Variants in ATP13A5 observed in about 807,000 individuals in gnomAD.
ATP13A5 encodes ATPase 13A5, also known as probable cation-transporting ATPase 13A5.
Under a neutral mutation model 150.2 loss-of-function variants are expected in ATP13A5, and 149 were observed. The ratio of observed to expected loss-of-function variants is 0.99; its 90% CI spans 0.87 to 1.14. ATP13A5 has a LOEUF of 1.14. ATP13A5 is among the 50% of genes most tolerant of loss of function. The pLI is 0.00. For synonymous variants in ATP13A5, 497 were observed against 522.2 expected, an observed-to-expected ratio of 0.95 and a Z score of 0.66; for missense variants, 1,383 against 1,449.3, an observed-to-expected ratio of 0.95 and a Z score of 0.74.
intron 26 of ATP13A5, among the ~76,000 whole-genome samples, chr3:193,286,633 C>T (rs1298451704): frequency 6.6e-6 from 1 of 152,160 alleles, no homozygotes; most frequent in East Asian, 1.9e-4. Flanking sequence ...TGTCTGACTG[C>T]TTCACTGACT....
At chr3:193,351,346 G>C (rs1011391293) in intron 6 of ATP13A5, 145 bp from the exon 7 acceptor site, 25 of 1,020,196 alleles carry the variant, frequency 2.5e-5, no homozygotes, top group Non-Finnish European at 3.4e-5. Context: ...GATCTCTATT[G>C]ATTTGGGTTG....
chr3:193,331,563 T>C (rs1711631230), intron 11 of ATP13A5, among the ~76,000 whole-genome samples: 1 of 152,216 alleles, frequency 6.6e-6, no homozygotes, highest in African/African-American at 2.4e-5. Context: ...GTAGCAGCTA[T>C]GGCTTATTCA....
chr3:193,314,144 G>C lies in ATP13A5; in HGVS notation c.2208C>G (p.Ile736Met). 1 of 1,613,894 alleles carries C rather than the reference G, an allele frequency of 6.2e-7. No individual in the cohort carries two copies. Among genetic ancestry groups the C allele is most frequent in the South Asian group, 1.1e-5 (1 of 91,064 alleles). ...AITVAKNSEM[I>M]PPGSQVIIVE... ...CAATGATCACTTGGCTGCCTGGAGG[G>C]ATCATTTCAGAATTCTTTGCAACAG... The change falls in exon 19 of 30, where the codon ATC becomes ATG. Residue 736 changes from isoleucine (I) to methionine (M), a missense_variant. Physicochemically the swap from Ile to Met is conservative, Grantham distance 10. This residue lies in a region of ATP13A5 where 568 missense variants were observed against 621.5 expected (regional missense o/e 0.91). Coordinates refer to ENST00000342358, the MANE Select transcript of ATP13A5 (RefSeq NM_198505.4).
At position 193,363,285 on chromosome 3, in the gene ATP13A5, G is replaced by A; in HGVS notation, c.335C>T (p.Ala112Val). Residue 112 changes from alanine (A) to valine (V), a missense_variant, in exon 3 of 30, where the codon GCT (alanine) becomes GTT (valine). Physicochemically the swap from Ala to Val is moderately conservative, Grantham distance 64 (BLOSUM62 0). Transcript: ENST00000342358. ...TTGGTTTATGACAGAGTGGCGGTCA[G>A]CCACCAGGGATTCTTCCCACTTCTT... ...VSKKWEESLV[A>V]DRHSVINQAL... The A allele has an allele frequency of 6.2e-7, 1 of 1,613,918 alleles. No individual in the cohort carries two copies. Among genetic ancestry groups the A allele is most frequent in the Non-Finnish European group, 8.5e-7 (1 of 1,179,838 alleles).
At chr3:193,322,417 A>G (rs1367749574) in intron 15 of ATP13A5, 74 bp downstream of exon 15, 1 of 1,183,868 alleles carries the variant, frequency 8.4e-7, no homozygotes, top group African/African-American at 1.5e-5. Context: ...GGACTATAAA[A>G]ATATGTGCAA....
At chr3:193,355,094 G>A (rs553915192) in intron 5 of ATP13A5, among the ~76,000 whole-genome samples, 14 of 152,074 alleles carry the variant, frequency 9.2e-5, no homozygotes, top group African/African-American at 3.4e-4. Flanking sequence ...CATCATGCCA[G>A]GCTAATTTTG....
At chr3:193,362,813 CAGACAGGG>C (rs1560151122) in intron 3 of ATP13A5, among the ~76,000 whole-genome samples, 176 bp from the exon 4 acceptor site, 926 of 107,120 alleles carry the variant, frequency 8.6e-3, no homozygotes, top group East Asian at 0.021. Context: ...TTCTTTCTTT[CAGACAGGG>C]TCTCACTCTG....
intron 29 of ATP13A5, 74 bp downstream of exon 29, chr3:193,276,676 G>T: frequency 9.2e-7 from 1 of 1,084,976 alleles, no homozygotes; most frequent in African/African-American, 1.6e-5. Flanking sequence ...GGTTGCTCTA[G>T]AAAATAAGCA....
At position 193,307,552 on chromosome 3, in the gene ATP13A5, C is replaced by T. The variant is rs146601980; in HGVS notation, c.2526-183G>A. The stretch of plus-strand genomic sequence containing the variant: ...TATTCCCAGAGGGAAAAGGCAGTTG[C>T]GTTATTTAAGTTGTTTCAATCAATC... On this transcript the variant is annotated intron_variant, in intron 21 of 29. Coordinates refer to ENST00000342358, the MANE Select transcript of ATP13A5 (RefSeq NM_198505.4). Among the ~76,000 whole-genome samples, 10 of 152,230 alleles carry T rather than the reference C, an allele frequency of 6.6e-5. No individual in the cohort carries two copies. In the East Asian group the frequency reaches 1.4e-3, roughly 21 times the overall value.
At chr3:193,322,721 C>G (rs904606805) in intron 14 of ATP13A5, 147 bp from the exon 15 acceptor site, 1 of 622,458 alleles carries the variant, frequency 1.6e-6, no homozygotes, top group Non-Finnish European at 2.7e-6. Context: ...CTGTCATTGT[C>G]AAATTTCTGT....
chr3:193,290,135 A>G, intron 25 of ATP13A5, 76 bp from the exon 26 acceptor site: 2 of 1,408,432 alleles, frequency 1.4e-6, no homozygotes. Context: ...GATGCATATT[A>G]TCTTGAGTCT....
At chr3:193,374,756 G>A (rs1209894994) in intron 1 of ATP13A5, among the ~76,000 whole-genome samples, 5 of 152,164 alleles carry the variant, frequency 3.3e-5, no homozygotes. Context: ...GTTTGAATGT[G>A]TTCTCCAAGG....
At chr3:193,377,568 C>T (rs1447123551) in intron 1 of ATP13A5, among the ~76,000 whole-genome samples, 1 of 152,188 alleles carries the variant, frequency 6.6e-6, no homozygotes, top group Non-Finnish European at 1.5e-5. Flanking sequence ...AGAAACTACA[C>T]GTGGCCCATG....
chr3:193,280,702 G>A (rs1341942927), intron 27 of ATP13A5, among the ~76,000 whole-genome samples: 1 of 152,176 alleles, frequency 6.6e-6, no homozygotes, highest in East Asian at 1.9e-4. Flanking sequence ...GAGCACTTTA[G>A]AGACGGTACC....
intron 5 of ATP13A5, among the ~76,000 whole-genome samples, chr3:193,355,671 G>A (rs1164470660): frequency 2.0e-5 from 3 of 152,148 alleles, no homozygotes; most frequent in Non-Finnish European, 4.4e-5. Context: ...AATCAGAGAG[G>A]GCAAACAGCC....
intron 16 of ATP13A5, among the ~76,000 whole-genome samples, chr3:193,320,588 C>G (rs1719226096): frequency 6.6e-6 from 1 of 152,032 alleles, no homozygotes; most frequent in Admixed American, 6.6e-5. Flanking sequence ...CAGTGAAGGA[C>G]AGAGTTAATG....
chr3:193,337,030 G>A (rs1711897817), intron 9 of ATP13A5, among the ~76,000 whole-genome samples: 3 of 152,178 alleles, frequency 2.0e-5, no homozygotes, highest in Admixed American at 1.3e-4. Flanking sequence ...CTGCATAAAT[G>A]TCTTCTTTTG....
intron 28 of ATP13A5, among the ~76,000 whole-genome samples, chr3:193,277,423 C>T (rs1717270940): frequency 6.6e-6 from 1 of 152,104 alleles, no homozygotes; most frequent in Non-Finnish European, 1.5e-5. Context: ...TAACTTCCCA[C>T]GGCTGCATCC....
At chr3:193,353,683 T>C (rs974616397) in intron 6 of ATP13A5, among the ~76,000 whole-genome samples, 9 of 152,290 alleles carry the variant, frequency 5.9e-5, no homozygotes, top group South Asian at 4.1e-4. Context: ...CTCTCCACCA[T>C]GTGAAGACAT....
Sources: gnomAD v4.1 joint callset for allele counts (sites outside exome capture counted in the v4.1 genomes callset) on GRCh38, gnomAD v4.1.1 for gene constraint, gnomAD v4.1.1 regional missense constraint, MANE v1.5 for transcripts, NCBI Gene and HGNC (gene_info 2026-07-23, HGNC 2026-07-21) for gene names.